The following TTC23 variants were observed in gnomAD, a reference collection of about 807,000 sequenced individuals.
The protein encoded by TTC23 is tetratricopeptide repeat domain 23.
A neutral mutation model predicts 55.1 loss-of-function variants in TTC23; 58 were observed. The ratio of observed to expected loss-of-function variants is 1.05; its 90% CI spans 0.85 to 1.31. The LOEUF (loss-of-function observed/expected upper bound fraction) is 1.31. Ranked by LOEUF, TTC23 falls within the 50% of genes most tolerant of loss-of-function variation. The pLI is 0.00. For synonymous variants in TTC23, 203 were observed against 199.9 expected (o/e 1.02, Z -0.13); for missense variants, 516 against 534.4 (o/e 0.97, Z 0.34).
At position 99,137,954 on chromosome 15, in the gene TTC23, C is replaced by T. The variant is rs782340219; in HGVS notation, c.*56G>A. ...ATTTTCTAGGCGGAGGTGATTTGTA[C>T]AGCACCCTAAATGACAGTGCCCAGG... On this transcript the variant is annotated 3_prime_UTR_variant, in exon 14 of 14. Transcript: ENST00000394132. 9 of 1,608,048 alleles carry T rather than the reference C, an allele frequency of 5.6e-6. No individual in the cohort carries two copies. The East Asian group carries it at 1.6e-4, about 28-fold the overall frequency.
intron 9 of TTC23, among the ~76,000 whole-genome samples, chr15:99,192,364 G>A (rs2075315602): frequency 6.6e-6 from 1 of 152,174 alleles, no homozygotes; most frequent in Admixed American, 6.5e-5. Flanking sequence ...GGAGGAAAAA[G>A]TGGTTTCACG....
At chr15:99,194,752 A>G (rs2075556618) in intron 9 of TTC23, among the ~76,000 whole-genome samples, 1 of 152,156 alleles carries the variant, frequency 6.6e-6, no homozygotes, top group African/African-American at 2.4e-5. Flanking sequence ...CCTGACCAAC[A>G]TGGAGAAACC....
At chr15:99,203,307 G>C (rs1316533416) in intron 8 of TTC23, among the ~76,000 whole-genome samples, 1 of 152,082 alleles carries the variant, frequency 6.6e-6, no homozygotes, top group African/African-American at 2.4e-5. Flanking sequence ...AAGTGGATTA[G>C]AGGACAAATT....
At chr15:99,203,281 T>A (rs958495919) in intron 8 of TTC23, among the ~76,000 whole-genome samples, 2 of 152,090 alleles carry the variant, frequency 1.3e-5, no homozygotes, top group Non-Finnish European at 2.9e-5. Context: ...GGAGGTACCA[T>A]GTACACCAAA....
At chr15:99,154,033 T>TA (rs2070205541) in intron 12 of TTC23, among the ~76,000 whole-genome samples, 1 of 152,164 alleles carries the variant, frequency 6.6e-6, no homozygotes, top group African/African-American at 2.4e-5. Context: ...ATGACCCCAT[T>TA]AGGGACAGAA....
At position 99,221,827 on chromosome 15, in the gene TTC23, G is replaced by T. The variant is rs1409727724; in HGVS notation, c.218C>A (p.Ala73Glu). ...GTCTCCATAGCAAATTCTTGTCAGT[G>T]CTACGCAACGCACAAGCTCATGGAC... ...QAVHELVRCV[A>E]LTRICYGDSH... Residue 73 changes from alanine (A) to glutamate (E), a missense_variant, in exon 6 of 14, where the codon GCA becomes GAA. Transcript: ENST00000394132. 1 of 1,614,060 alleles carries T rather than the reference G, an allele frequency of 6.2e-7. No individual in the cohort carries two copies. The highest frequency in any genetic ancestry group is 8.5e-7 in the Non-Finnish European group (1 of 1,180,020).
chr15:99,222,050 C>A (rs146225222), intron 5 of TTC23, among the ~76,000 whole-genome samples, 186 bp from the exon 6 acceptor site: 57 of 152,188 alleles, frequency 3.7e-4, no homozygotes, highest in Non-Finnish European at 7.9e-4. Flanking sequence ...GTAGCATGTA[C>A]ATCTGGTAAG....
chr15:99,184,767 T>A (rs1211583466), intron 9 of TTC23, among the ~76,000 whole-genome samples: 1 of 152,100 alleles, frequency 6.6e-6, no homozygotes, highest in African/African-American at 2.4e-5. Context: ...CATGACTATG[T>A]TTTGAAATGT....
At chr15:99,170,001 CT>C (rs964548820) in intron 10 of TTC23, among the ~76,000 whole-genome samples, 2 of 152,186 alleles carry the variant, frequency 1.3e-5, no homozygotes, top group African/African-American at 4.8e-5. Flanking sequence ...ATGTTCTTGG[CT>C]TTGAACCATT....
rs2080541364 is a variant in TTC23 at position 99,249,505 on chromosome 15, C to G, written c.-765G>C. 1 of 152,144 alleles carries G rather than the reference C, an allele frequency of 6.6e-6. No individual in the cohort carries two copies. Among genetic ancestry groups the G allele is most frequent in the Admixed American group, 6.5e-5 (1 of 15,278 alleles). The allele number at this position is 152,144 out of a possible 1,614,324, so 9.4% of individuals were successfully genotyped here. A position where few individuals can be genotyped will look rare whatever the true frequency, so the allele number is the denominator to read the frequency against. On this transcript the variant is annotated 5_prime_UTR_variant, in exon 1 of 14. Transcript: ENST00000394132. ...TTTATCAGTTTGGTGATTCTTTGTA[C>G]AGATTGATAACCATGAAAAAGTCTA...
At chr15:99,197,176 C>T (rs2151983557) in intron 9 of TTC23, among the ~76,000 whole-genome samples, 1 of 151,944 alleles carries the variant, frequency 6.6e-6, no homozygotes, top group South Asian at 2.1e-4. Context: ...GATCTCAGCT[C>T]ACTGCAAGCT....
chr15:99,194,882 G>A (rs2075569163), intron 9 of TTC23, among the ~76,000 whole-genome samples: 1 of 152,158 alleles, frequency 6.6e-6, no homozygotes, highest in African/African-American at 2.4e-5. Context: ...TTGGTGAGAC[G>A]AGATTGTACC....
chr15:99,178,069 C>G (rs2073768998), intron 9 of TTC23, among the ~76,000 whole-genome samples: 1 of 152,126 alleles, frequency 6.6e-6, no homozygotes, highest in Non-Finnish European at 1.5e-5. Context: ...GTAGTCCCAG[C>G]TACGCAGGAC....
At chr15:99,173,605 TA>T (rs928651052) in intron 10 of TTC23, among the ~76,000 whole-genome samples, 21 of 151,156 alleles carry the variant, frequency 1.4e-4, no homozygotes, top group East Asian at 1.4e-3. Context: ...AAAAAATAAT[TA>T]AAAAAAAATT....
At chr15:99,139,677 CAAG>C (rs2067994882) in intron 12 of TTC23, 4 of 1,403,736 alleles carry the variant, frequency 2.8e-6, no homozygotes, top group Non-Finnish European at 3.8e-6. Context: ...AAAATAAAGG[CAAG>C]AACCTTGGTA....
chr15:99,156,210 G>T lies in TTC23; in HGVS notation c.1081C>A (p.Leu361Ile). ...FSPEVAETYR[L>I]LGGADLAQGN... is the part of the protein sequence containing the mutation. ...TGCGCCAGGTCTGCTCCTCCCAGGA[G>T]CCGGTATGTCTCTGCCACCTCGGGA... Residue 361 changes from leucine (L) to isoleucine (I), a missense_variant, in exon 12 of 14, where the codon CTC becomes ATC. Coordinates refer to ENST00000394132, the MANE Select transcript of TTC23 (RefSeq NM_001288615.3). 6.2e-7 allele frequency: 1 copy of T among 1,614,224 alleles called. No homozygotes were observed. Among genetic ancestry groups the T allele is most frequent in the Non-Finnish European group, 8.5e-7 (1 of 1,180,048 alleles).
chr15:99,138,702 G>A (rs146463775), intron 13 of TTC23, among the ~76,000 whole-genome samples: 2,322 of 152,364 alleles, frequency 0.015, 24 homozygotes, highest in Middle Eastern at 0.024. Flanking sequence ...CATGGGTGAG[G>A]AGGATGGTCA....
rs990808611 is a variant in TTC23 at position 99,249,533 on chromosome 15, G to A, written c.-793C>T. The stretch of plus-strand genomic sequence containing the variant: ...ATTGATAACCATGAAAAAGTCTAAA[G>A]TAGGGCAGTTCCGGAGCAGCCTTTT... On this transcript the variant is annotated 5_prime_UTR_variant, in exon 1 of 14. Coordinates refer to ENST00000394132, the MANE Select transcript of TTC23 (RefSeq NM_001288615.3). 2.6e-5 allele frequency: 4 copies of A among 152,162 alleles called. No individual in the cohort carries two copies. The South Asian group carries it at 8.3e-4, about 32-fold the overall frequency. 9.4% of individuals were successfully genotyped at this position (152,162 alleles called of 1,614,324 possible).
intron 9 of TTC23, among the ~76,000 whole-genome samples, chr15:99,178,103 T>G (rs2073774592): frequency 6.6e-6 from 1 of 152,054 alleles, no homozygotes; most frequent in African/African-American, 2.4e-5. Context: ...GATCACTTGA[T>G]CCTGGGAGAT....
Sources: allele counts gnomAD v4.1 joint callset (sites outside exome capture counted in the v4.1 genomes callset), GRCh38; gene constraint gnomAD v4.1.1; transcripts MANE v1.5; gene names NCBI Gene and HGNC (gene_info 2026-07-23, HGNC 2026-07-21).